The following EXT1 variants were observed in gnomAD, a reference collection of about 807,000 sequenced individuals.
EXT1 encodes exostosin glycosyltransferase 1.
In EXT1, 20 loss-of-function variants were observed where a neutral mutation model predicts 82.5. That is an observed-to-expected ratio of 0.24 (90% CI 0.17 to 0.35). The LOEUF (loss-of-function observed/expected upper bound fraction) is 0.35, where lower values mean the gene tolerates loss of function less well. Among genes scored for constraint, EXT1 ranks in the 10% least tolerant of loss-of-function variants. The pLI is 1.00. For missense variants in EXT1, 757 were observed against 936.5 expected (o/e 0.81, Z 2.50); for synonymous variants, 348 against 350.8 (o/e 0.99, Z 0.09).
At chr8:118,037,918 G>C (rs933411576) in intron 1 of EXT1, among the ~76,000 whole-genome samples, 8 of 140,584 alleles carry the variant, frequency 5.7e-5, no homozygotes, top group Non-Finnish European at 1.0e-4. Context: ...TCGGCTCACT[G>C]CAACCTCCGC....
intron 1 of EXT1, among the ~76,000 whole-genome samples, chr8:117,935,796 G>A (rs143317741): frequency 3.3e-5 from 5 of 152,132 alleles, no homozygotes; most frequent in African/African-American, 1.2e-4. Flanking sequence ...TCTCAACACA[G>A]ACAATCACAG....
At chr8:117,817,697 G>A (rs943692764) in intron 7 of EXT1, among the ~76,000 whole-genome samples, 1 of 152,094 alleles carries the variant, frequency 6.6e-6, no homozygotes, top group Non-Finnish European at 1.5e-5. Context: ...GAGACACAGC[G>A]CAATTCAGCT....
intron 1 of EXT1, among the ~76,000 whole-genome samples, chr8:117,970,113 C>A (rs886424691): frequency 6.6e-6 from 1 of 152,140 alleles, no homozygotes; most frequent in Non-Finnish European, 1.5e-5. Flanking sequence ...TCATGAACTG[C>A]CAGCCTGCAG....
intron 1 of EXT1, among the ~76,000 whole-genome samples, chr8:118,006,540 CAAAAATCGT>C (rs1359293868): frequency 2.0e-5 from 3 of 152,032 alleles, no homozygotes; most frequent in Non-Finnish European, 4.4e-5. Flanking sequence ...CCTTGAAGGT[CAAAAATCGT>C]AACAATAATG....
intron 1 of EXT1, among the ~76,000 whole-genome samples, chr8:118,047,168 G>A (rs1816635777): frequency 2.0e-5 from 3 of 152,146 alleles, no homozygotes; most frequent in Admixed American, 1.3e-4. Context: ...AACTCCAGGG[G>A]AGGGTCCAGG....
intron 1 of EXT1, among the ~76,000 whole-genome samples, chr8:117,874,574 T>TAAAAAAAAAAAAAAAAAAAAAAA (rs1812932993): frequency 2.4e-5 from 1 of 42,478 alleles, no homozygotes; most frequent in East Asian, 7.4e-4. Flanking sequence ...AGACTCTGCC[T>TAAAAAAAAAAAAAAAAAAAAAAA]CAAAAAAAAA....
chr8:118,009,013 T>C (rs897149298), intron 1 of EXT1, among the ~76,000 whole-genome samples: 2 of 152,042 alleles, frequency 1.3e-5, no homozygotes, highest in African/African-American at 4.8e-5. Flanking sequence ...TGCCAGGAGA[T>C]TTAAAAGGAA....
chr8:117,861,507 T>G (rs1157841921), intron 1 of EXT1, among the ~76,000 whole-genome samples: 3,255 of 113,312 alleles, frequency 0.029, 533 homozygotes, highest in Non-Finnish European at 0.045. Context: ...TTTTTTTTTT[T>G]TTTTTGAGAT....
In EXT1 at chr8:117,798,639, TCTC is replaced by T. The variant is rs891033000; in HGVS notation, c.*1070_*1072del. 3 of 152,196 alleles carry T rather than the reference TCTC, an allele frequency of 2.0e-5. No homozygotes were observed. Among genetic ancestry groups the T allele is most frequent in the African/African-American group, 7.2e-5 (3 of 41,436 alleles). The allele number at this position is 152,196 out of a possible 1,614,324, so 9.4% of individuals were successfully genotyped here. On this transcript the variant is annotated 3_prime_UTR_variant, in exon 11 of 11. Coordinates refer to ENST00000378204, the MANE Select transcript of EXT1 (RefSeq NM_000127.3). ...GCATTAGGGTCCCAATGGCGAGACA[TCTC>T]CTCAGTTACTTTGCAGCAATCCTCT... is the stretch of plus-strand genomic sequence containing the variant.
chr8:117,859,131 T>C (rs934408382), intron 1 of EXT1, among the ~76,000 whole-genome samples: 2 of 152,216 alleles, frequency 1.3e-5, no homozygotes, highest in African/African-American at 4.8e-5. Context: ...ATAGTGTAAA[T>C]ATAACTTTTA....
chr8:117,928,661 T>C (rs1330779018), intron 1 of EXT1, among the ~76,000 whole-genome samples: 1 of 152,088 alleles, frequency 6.6e-6, no homozygotes, highest in Admixed American at 6.6e-5. Context: ...TGCAACTGGT[T>C]CAGATATCAC....
chr8:117,946,548 C>T (rs972177973), intron 1 of EXT1, among the ~76,000 whole-genome samples: 1 of 152,148 alleles, frequency 6.6e-6, no homozygotes, highest in Admixed American at 6.5e-5. Flanking sequence ...ACAACCAGGG[C>T]GCTGAGCAAC....
At chr8:118,041,696 AGG>A (rs1816532645) in intron 1 of EXT1, among the ~76,000 whole-genome samples, 1 of 151,458 alleles carries the variant, frequency 6.6e-6, no homozygotes, top group Non-Finnish European at 1.5e-5. Flanking sequence ...GAAGGAAGGA[AGG>A]AAGGAAGGAA....
Position 118,111,631 on chromosome 8 carries a change from G to A in EXT1, c.-585C>T. 2.5e-6 allele frequency: 1 copy of A among 396,208 alleles called. No homozygotes were observed. Among genetic ancestry groups the A allele is most frequent in the Non-Finnish European group, 4.4e-6 (1 of 224,924 alleles). 24.5% of individuals were successfully genotyped at this position (396,208 alleles called of 1,614,324 possible). A position where few individuals can be genotyped will look rare whatever the true frequency, so the allele number is the denominator to read the frequency against. Reference sequence around the variant, plus strand: ...TTATTCCCTTCTGCAGCGGCTCCAAGACTCCGGCGGTGTTTACTCCTGCGC... The same window carrying A: ...TTATTCCCTTCTGCAGCGGCTCCAAAACTCCGGCGGTGTTTACTCCTGCGC... On this transcript the variant is annotated 5_prime_UTR_variant, in exon 1 of 11. Transcript: ENST00000378204.
At chr8:118,058,301 A>G (rs996664019) in intron 1 of EXT1, among the ~76,000 whole-genome samples, 2 of 152,242 alleles carry the variant, frequency 1.3e-5, no homozygotes, top group African/African-American at 4.8e-5. Context: ...AGCAAGAAGT[A>G]GAAGTAGCCA....
At chr8:118,091,349 T>C (rs1817520281) in intron 1 of EXT1, among the ~76,000 whole-genome samples, 1 of 152,228 alleles carries the variant, frequency 6.6e-6, no homozygotes, top group Non-Finnish European at 1.5e-5. Flanking sequence ...ACTCCTACTA[T>C]TTCGAACCTC....
chr8:118,111,617 T>G lies in EXT1; in HGVS notation c.-571A>C. 1 of 399,358 alleles carries G rather than the reference T, an allele frequency of 2.5e-6. No individual in the cohort carries two copies. The highest frequency in any genetic ancestry group is 3.6e-5 in the East Asian group (1 of 28,100). The allele number at this position is 399,358 out of a possible 1,614,324, so 24.7% of individuals were successfully genotyped here. ...CCCTGCATCTCTCTTTATTCCCTTC[T>G]GCAGCGGCTCCAAGACTCCGGCGGT... On this transcript the variant is annotated 5_prime_UTR_variant, in exon 1 of 11. Coordinates refer to ENST00000378204, the MANE Select transcript of EXT1 (RefSeq NM_000127.3).
intron 1 of EXT1, among the ~76,000 whole-genome samples, chr8:117,974,809 C>A (rs1176448214): frequency 6.6e-6 from 1 of 152,120 alleles, no homozygotes; most frequent in Non-Finnish European, 1.5e-5. Context: ...TCTCAGATAA[C>A]CCTTGTTTCC....
At chr8:117,801,760 C>A (rs1261168941) in intron 10 of EXT1, among the ~76,000 whole-genome samples, 1 of 152,152 alleles carries the variant, frequency 6.6e-6, no homozygotes, top group African/African-American at 2.4e-5. Context: ...CCTGCTCTGG[C>A]CTCCCAAAAT....
Sources: allele counts gnomAD v4.1 joint callset (sites outside exome capture counted in the v4.1 genomes callset), GRCh38; gene constraint gnomAD v4.1.1; transcripts MANE v1.5; gene names NCBI Gene and HGNC (gene_info 2026-07-23, HGNC 2026-07-21).